The following PRRC1 variants were observed in gnomAD, a reference collection of about 807,000 sequenced individuals.
PRRC1 encodes protein PRRC1.
Under a neutral mutation model 40.7 loss-of-function variants are expected in PRRC1, and 39 were observed. The ratio of observed to expected loss-of-function variants is 0.96; its 90% CI spans 0.74 to 1.25. The LOEUF (loss-of-function observed/expected upper bound fraction) is 1.25, where lower values mean the gene tolerates loss of function less well. PRRC1 is among the 50% of genes most tolerant of loss of function. The pLI, the probability that PRRC1 is intolerant of heterozygous loss-of-function variation, is 0.00. For missense variants in PRRC1, 573 were observed against 548.3 expected (o/e 1.05, Z -0.45); for synonymous variants, 175 against 193.3 (o/e 0.91, Z 0.79).
Position 127,551,876 on chromosome 5 carries a change from C to T in PRRC1, c.1298C>T (p.Ala433Val), listed in dbSNP as rs777101950. The change falls in exon 9 of 9, where the codon GCG becomes GTG. Residue 433 changes from alanine (A) to valine (V), a missense_variant. Coordinates refer to ENST00000296666, the MANE Select transcript of PRRC1 (RefSeq NM_130809.5). ...ATCTACAGTGCAGCCAGAGCGATAGCGGGCATGTATAAACAGCGCCTGCCA... is the reference window on the plus strand; with the variant it reads ...ATCTACAGTGCAGCCAGAGCGATAGTGGGCATGTATAAACAGCGCCTGCCA... ...QMIYSAARAI[A>V]GMYKQRLPPR... 3 of 1,614,000 alleles carry T rather than the reference C, an allele frequency of 1.9e-6. No individual in the cohort carries two copies. Among genetic ancestry groups the T allele is most frequent in the East Asian group, 2.2e-5 (1 of 44,862 alleles).
intron 6 of PRRC1, among the ~76,000 whole-genome samples, chr5:127,538,517 G>A (rs1767956279): frequency 6.6e-6 from 1 of 152,060 alleles, no homozygotes; most frequent in East Asian, 1.9e-4. Context: ...AAGCTGTGGT[G>A]TAATGTATAC....
rs868821688 is a variant in PRRC1 at position 127,541,801 on chromosome 5, T to G, written c.1025+2658T>G. 6.7e-3 allele frequency among the ~76,000 whole-genome samples: 1,022 copies of G among 152,140 alleles called. 5 individuals are homozygous for G. The highest frequency in any genetic ancestry group is 0.024 in the African/African-American group (985 of 41,462). On this transcript the variant is annotated intron_variant, in intron 7 of 8. Coordinates refer to ENST00000296666, the MANE Select transcript of PRRC1 (RefSeq NM_130809.5). ...TTAGTCTTGCTAGCGGTCTATCAAT[T>G]TTGTTGATCCTTTCAAAAAAACCAG... is the stretch of plus-strand genomic sequence containing the variant.
In PRRC1 at chr5:127,530,315, G is replaced by A. The variant is rs374433342; in HGVS notation, c.676G>A (p.Val226Met). The A allele has an allele frequency of 5.0e-6, 8 of 1,613,816 alleles. No homozygotes were observed. The highest frequency in any genetic ancestry group is 3.3e-5 in the South Asian group (3 of 91,058). The change falls in exon 5 of 9, where the codon GTG becomes ATG. Residue 226 changes from valine to methionine, a missense_variant. By Grantham distance (21) the Val-to-Met change is conservative. Transcript: ENST00000296666. ...FIKGVAGNPM[V>M]KSVLDKTKHS... is the part of the protein sequence containing the mutation. ...GCAGGGTGTGGCTGGGAATCCTATG[G>A]TGAAGTCTGTGCTTGATAAGACAAA... is the stretch of plus-strand genomic sequence containing the variant.
intron 1 of PRRC1, among the ~76,000 whole-genome samples, chr5:127,522,756 T>A (rs972646935): frequency 6.6e-6 from 1 of 151,796 alleles, no homozygotes; most frequent in African/African-American, 2.4e-5. Flanking sequence ...GAGGAAGGGC[T>A]TCAAAAATAC....
At position 127,552,989 on chromosome 5, in the gene PRRC1, AAAT is replaced by A; in HGVS notation, c.*1078_*1080del. The stretch of plus-strand genomic sequence containing the variant: ...TATTTCGTGGAAGCCTTTTCCCCTC[AAAT>A]AATATATTATATCATTTTTGGACTT... On this transcript the variant is annotated 3_prime_UTR_variant, in exon 9 of 9. Transcript: ENST00000296666. 2.5e-6 allele frequency: 2 copies of A among 790,062 alleles called. No individual in the cohort carries two copies. The highest frequency in any genetic ancestry group is 3.1e-6 in the Non-Finnish European group (2 of 652,774). The allele number at this position is 790,062 out of a possible 1,614,324, so 48.9% of individuals were successfully genotyped here. A position where few individuals can be genotyped will look rare whatever the true frequency, so the allele number is the denominator to read the frequency against.
At chr5:127,533,365 A>G (rs1469417491) in intron 5 of PRRC1, among the ~76,000 whole-genome samples, 1 of 152,082 alleles carries the variant, frequency 6.6e-6, no homozygotes, top group East Asian at 1.9e-4. Flanking sequence ...CACAAGCCAG[A>G]TATGTGATTT....
chr5:127,533,522 G>A (rs750937684), intron 5 of PRRC1, 101 bp from the exon 6 acceptor site: 1 of 957,770 alleles, frequency 1.0e-6, no homozygotes, highest in Non-Finnish European at 1.6e-6. Context: ...TATGAAACTG[G>A]TAATAATTAT....
At chr5:127,540,299 T>C (rs547986585) in intron 7 of PRRC1, among the ~76,000 whole-genome samples, 2 of 152,274 alleles carry the variant, frequency 1.3e-5, no homozygotes, top group East Asian at 1.9e-4. Flanking sequence ...CTTTTTGATA[T>C]AACAAAAATT....
At position 127,552,044 on chromosome 5, in the gene PRRC1, C is replaced by G; in HGVS notation, c.*128C>G. On this transcript the variant is annotated 3_prime_UTR_variant, in exon 9 of 9. Coordinates refer to ENST00000296666, the MANE Select transcript of PRRC1 (RefSeq NM_130809.5). Reference sequence around the variant, plus strand: ...GTTTTTATCATTTTCCTGTAGCCTGCAATTTTTCTTTCTCTAGAAAGGCAT... The same window carrying G: ...GTTTTTATCATTTTCCTGTAGCCTGGAATTTTTCTTTCTCTAGAAAGGCAT... 6.9e-7 allele frequency: 1 copy of G among 1,453,914 alleles called. No individual in the cohort carries two copies. The allele number at this position is 1,453,914 out of a possible 1,614,324, so 90.1% of individuals were successfully genotyped here. A position where few individuals can be genotyped will look rare whatever the true frequency, so the allele number is the denominator to read the frequency against.
intron 3 of PRRC1, 58 bp downstream of exon 3, chr5:127,524,978 T>A: frequency 2.1e-6 from 3 of 1,437,840 alleles, no homozygotes; most frequent in Admixed American, 4.5e-5. Flanking sequence ...TATTCTTTTT[T>A]AAAATAATAG....
intron 7 of PRRC1, among the ~76,000 whole-genome samples, chr5:127,539,510 C>T (rs1368438422): frequency 6.6e-6 from 1 of 152,078 alleles, no homozygotes. Context: ...GGCCTGATGG[C>T]ATTCTCTAGG....
chr5:127,526,343 A>G (rs900167372), intron 3 of PRRC1, among the ~76,000 whole-genome samples: 1 of 152,216 alleles, frequency 6.6e-6, no homozygotes, highest in African/African-American at 2.4e-5. Flanking sequence ...AGCCGTTCAT[A>G]TCCAAGTGCT....
At chr5:127,544,044 G>T (rs1452002123) in intron 7 of PRRC1, among the ~76,000 whole-genome samples, 1 of 152,052 alleles carries the variant, frequency 6.6e-6, no homozygotes, top group Non-Finnish European at 1.5e-5. Context: ...TGTACAGATG[G>T]GTTTTTGGTG....
Position 127,526,713 on chromosome 5 carries a change from G to C in PRRC1, c.589G>C (p.Glu197Gln), listed in dbSNP as rs762895934. The C allele has an allele frequency of 5.7e-5, 92 of 1,613,592 alleles. No individual in the cohort carries two copies. The highest frequency in any genetic ancestry group is 7.2e-5 in the Non-Finnish European group (85 of 1,179,712). The part of the protein sequence containing the change: ...TSAITFPEEQ[E>Q]DPRITRGQDE... ...AGCCATTACTTTCCCAGAGGAGCAA[G>C]AAGACCCTAGAATTACTAGAGGTCA... The change falls in exon 4 of 9, where the codon GAA (glutamate) becomes CAA (glutamine). Residue 197 changes from glutamate (E) to glutamine (Q), a missense_variant. Transcript: ENST00000296666.
chr5:127,527,633 G>A (rs1160314833), intron 4 of PRRC1, among the ~76,000 whole-genome samples: 1 of 151,766 alleles, frequency 6.6e-6, no homozygotes, highest in Non-Finnish European at 1.5e-5. Flanking sequence ...TGTAGCGTGT[G>A]CCTGTGGTCC....
chr5:127,537,222 G>A (rs1479636793), intron 6 of PRRC1, among the ~76,000 whole-genome samples: 3 of 151,724 alleles, frequency 2.0e-5, no homozygotes, highest in Admixed American at 6.6e-5. Flanking sequence ...ACTGAACCAA[G>A]TTGCTTAGTA....
chr5:127,541,708 A>G (rs1346207442), intron 7 of PRRC1, among the ~76,000 whole-genome samples: 2 of 151,312 alleles, frequency 1.3e-5, no homozygotes, highest in Non-Finnish European at 3.0e-5. Context: ...TTTCTGTGGG[A>G]TCGGTGGTGA....
chr5:127,538,975 A>G, intron 6 of PRRC1, 65 bp from the exon 7 acceptor site: 11 of 1,142,662 alleles, frequency 9.6e-6, no homozygotes, highest in Non-Finnish European at 1.4e-5. Flanking sequence ...TTGTGTAATC[A>G]TAAATTAGTA....
At position 127,553,019 on chromosome 5, in the gene PRRC1, T is replaced by C. The variant is rs552384534; in HGVS notation, c.*1103T>C. The C allele has an allele frequency of 4.6e-5, 34 of 739,196 alleles. No individual in the cohort carries two copies. Among genetic ancestry groups the C allele is most frequent in the Middle Eastern group, 7.2e-4 (1 of 1,388 alleles). 45.8% of individuals were successfully genotyped at this position (739,196 alleles called of 1,614,324 possible). On this transcript the variant is annotated 3_prime_UTR_variant, in exon 9 of 9. Transcript: ENST00000296666. ...ATATATTATATCATTTTTGGACTTA[T>C]ATAAATGATAATTAAATAAATTTTT...
Sources: allele counts gnomAD v4.1 joint callset (sites outside exome capture counted in the v4.1 genomes callset), GRCh38; gene constraint gnomAD v4.1.1; transcripts MANE v1.5; gene names NCBI Gene and HGNC (gene_info 2026-07-23, HGNC 2026-07-21).